The following ZFYVE9 variants were observed in gnomAD, a reference collection of about 807,000 sequenced individuals.
ZFYVE9 encodes the protein zinc finger FYVE domain-containing protein 9.
Under a neutral mutation model 126.7 loss-of-function variants are expected in ZFYVE9, and 43 were observed. That is an observed-to-expected ratio of 0.34 (90% CI 0.27 to 0.44). ZFYVE9 has a LOEUF of 0.44. ZFYVE9 is among the 20% of genes least tolerant of loss of function. The pLI is 1.00. For missense variants in ZFYVE9, 1,476 were observed against 1,697.0 expected, an observed-to-expected ratio of 0.87 and a Z score of 2.29; for synonymous variants, 521 against 597.4, an observed-to-expected ratio of 0.87 and a Z score of 1.87.
intron 1 of ZFYVE9, among the ~76,000 whole-genome samples, chr1:52,196,644 A>G (rs562543162): frequency 6.6e-6 from 1 of 152,334 alleles, no homozygotes; most frequent in South Asian, 2.1e-4. Flanking sequence ...CTCAGAAAAA[A>G]TTGGTAAATT....
At chr1:52,163,419 GA>G (rs1644481667) in intron 1 of ZFYVE9, among the ~76,000 whole-genome samples, 1 of 152,198 alleles carries the variant, frequency 6.6e-6, no homozygotes, top group Non-Finnish European at 1.5e-5. Context: ...TGGGAGAGAG[GA>G]AAGAGTTGGC....
intron 13 of ZFYVE9, among the ~76,000 whole-genome samples, chr1:52,327,522 A>G (rs946844842): frequency 2.6e-5 from 4 of 151,548 alleles, no homozygotes; most frequent in African/African-American, 9.7e-5. Context: ...GAATTGCTTG[A>G]ATCCGGGAGG....
intron 1 of ZFYVE9, among the ~76,000 whole-genome samples, chr1:52,148,176 T>C (rs887762699): frequency 1.3e-5 from 2 of 152,006 alleles, no homozygotes; most frequent in Non-Finnish European, 2.9e-5. Context: ...GTTTTTGGCC[T>C]GAGGATAAAA....
At chr1:52,151,489 G>T (rs944233373) in intron 1 of ZFYVE9, among the ~76,000 whole-genome samples, 21 of 150,982 alleles carry the variant, frequency 1.4e-4, no homozygotes, top group African/African-American at 4.9e-4. Flanking sequence ...ATCTTGTCCT[G>T]TGTCTATGTG....
intron 1 of ZFYVE9, among the ~76,000 whole-genome samples, chr1:52,145,331 T>C (rs1644296813): frequency 6.6e-6 from 1 of 152,194 alleles, no homozygotes; most frequent in South Asian, 2.1e-4. Context: ...CAGTAAACTT[T>C]TATGTGGCAC....
At position 52,266,758 on chromosome 1, in the gene ZFYVE9, C is replaced by T; in HGVS notation, c.2382C>T (p.Ala794=). 6.2e-7 allele frequency: 1 copy of T among 1,612,284 alleles called. No homozygotes were observed. Among genetic ancestry groups the T allele is most frequent in the South Asian group, 1.1e-5 (1 of 90,576 alleles). The stretch of plus-strand genomic sequence containing the variant: ...TCCCTCCCTTGCAGCAAGCTCAGGC[C>T]TCAGGAGCTCTGAGCTCTCCACCTC... ...STIPPLQQAQ[A]SGALSSPPPT... is the part of the protein sequence containing the mutation. Residue 794 remains alanine (A), a synonymous_variant, in exon 6 of 19, where the codon GCC becomes GCT. Coordinates refer to ENST00000287727, the MANE Select transcript of ZFYVE9 (RefSeq NM_004799.4).
Position 52,312,489 on chromosome 1 carries a change from A to G in ZFYVE9, c.3438+8564A>G, listed in dbSNP as rs548243803. ...TGTTACCTTTGACAGTCTTTGCAAC[A>G]ACCCATGTAGCATCTAACGTAGCTA... On this transcript the variant is annotated intron_variant, in intron 13 of 18. Transcript: ENST00000287727. Among the ~76,000 whole-genome samples, 42 of 152,292 alleles carry G rather than the reference A, an allele frequency of 2.8e-4. 1 individual carries two copies. In the South Asian group the frequency reaches 8.1e-3, roughly 29 times the overall value.
chr1:52,299,766 A>G (rs1646014891), intron 12 of ZFYVE9, among the ~76,000 whole-genome samples: 2 of 152,228 alleles, frequency 1.3e-5, no homozygotes, highest in African/African-American at 4.8e-5. Context: ...GTGGAGCTTC[A>G]GAGATGGAGA....
intron 10 of ZFYVE9, among the ~76,000 whole-genome samples, chr1:52,290,971 G>A (rs886578038): frequency 6.6e-6 from 1 of 152,128 alleles, no homozygotes; most frequent in Non-Finnish European, 1.5e-5. Flanking sequence ...CCACAACAGT[G>A]AATGATCAAA....
intron 1 of ZFYVE9, among the ~76,000 whole-genome samples, chr1:52,157,593 G>C (rs369418466): frequency 6.6e-5 from 10 of 151,348 alleles, no homozygotes; most frequent in African/African-American, 2.4e-4. Flanking sequence ...GTAGAGACGG[G>C]GGTTTTCACT....
chr1:52,324,069 AAAT>A (rs1186181097), intron 13 of ZFYVE9, among the ~76,000 whole-genome samples: 1 of 151,936 alleles, frequency 6.6e-6, no homozygotes, highest in African/African-American at 2.4e-5. Flanking sequence ...CAAAAAAAAA[AAAT>A]AACCACAAAA....
intron 4 of ZFYVE9, among the ~76,000 whole-genome samples, chr1:52,245,123 C>A (rs2124638778): frequency 1.3e-5 from 2 of 151,246 alleles, no homozygotes. Flanking sequence ...GAGATCACGC[C>A]ACTGCACTCC....
At chr1:52,293,721 A>G (rs1020083638) in intron 11 of ZFYVE9, 44 bp downstream of exon 11, 5 of 1,507,768 alleles carry the variant, frequency 3.3e-6, no homozygotes, top group Non-Finnish European at 4.6e-6. Flanking sequence ...TGACTAAAAT[A>G]ATGCCTGAAA....
chr1:52,320,238 T>C (rs1646226687), intron 13 of ZFYVE9, among the ~76,000 whole-genome samples: 1 of 151,726 alleles, frequency 6.6e-6, no homozygotes, highest in Non-Finnish European at 1.5e-5. Flanking sequence ...GCCCAGCTAA[T>C]TTTGTATTTT....
chr1:52,239,556 A>G lies in ZFYVE9; in HGVS notation c.2139A>G (p.Thr713=). The G allele has an allele frequency of 6.2e-7, 1 of 1,614,036 alleles. No individual in the cohort carries two copies. Among genetic ancestry groups the G allele is most frequent in the Non-Finnish European group, 8.5e-7 (1 of 1,179,936 alleles). ...PNCMKCEARF[T]FTKRRHHCRA... is the part of the protein sequence containing the mutation. ...GCATGAAATGTGAAGCCAGGTTTACATTCACCAAAAGGAGGCATCACTGCA... is the reference window on the plus strand; with the variant it reads ...GCATGAAATGTGAAGCCAGGTTTACGTTCACCAAAAGGAGGCATCACTGCA... Residue 713 remains threonine, a synonymous_variant, in exon 4 of 19, where the codon ACA becomes ACG. Coordinates refer to ENST00000287727, the MANE Select transcript of ZFYVE9 (RefSeq NM_004799.4).
intron 13 of ZFYVE9, among the ~76,000 whole-genome samples, chr1:52,320,277 C>T (rs1029373824): frequency 6.6e-6 from 1 of 152,026 alleles, no homozygotes; most frequent in South Asian, 2.1e-4. Context: ...TCCATGTTGG[C>T]CAGGCTGGTC....
At chr1:52,275,105 T>G (rs1210721193) in intron 8 of ZFYVE9, among the ~76,000 whole-genome samples, 1 of 152,194 alleles carries the variant, frequency 6.6e-6, no homozygotes, top group African/African-American at 2.4e-5. Flanking sequence ...TAATTTTAAC[T>G]TTTATTTTAG....
At chr1:52,318,666 A>G (rs1646210500) in intron 13 of ZFYVE9, among the ~76,000 whole-genome samples, 2 of 152,176 alleles carry the variant, frequency 1.3e-5, no homozygotes, top group South Asian at 2.1e-4. Flanking sequence ...ATGGCTGTCT[A>G]TGTAGCAAAT....
At chr1:52,240,443 AGTC>A (rs948887513) in intron 4 of ZFYVE9, among the ~76,000 whole-genome samples, 1 of 152,192 alleles carries the variant, frequency 6.6e-6, no homozygotes, top group Admixed American at 6.5e-5. Flanking sequence ...AGATCTCAGA[AGTC>A]ATAGTGCTCA....
Sources: allele counts gnomAD v4.1 joint callset (sites outside exome capture counted in the v4.1 genomes callset), GRCh38; gene constraint gnomAD v4.1.1; transcripts MANE v1.5; gene names NCBI Gene and HGNC (gene_info 2026-07-23, HGNC 2026-07-21).